NUBPL: variants seen among roughly 807,000 people sequenced by gnomAD.
The protein encoded by NUBPL is iron-sulfur cluster transfer protein NUBPL.
Under a neutral mutation model 45.7 loss-of-function variants are expected in NUBPL, and 31 were observed. That is an observed-to-expected ratio of 0.68 (90% CI 0.51 to 0.92). The LOEUF (loss-of-function observed/expected upper bound fraction) is 0.92. Ranked by LOEUF, NUBPL falls within the 40% of genes least tolerant of loss-of-function variation. NUBPL has a pLI of 0.00. For missense variants in NUBPL, 401 were observed against 398.7 expected (o/e 1.01, Z -0.05); for synonymous variants, 144 against 140.9 (o/e 1.02, Z -0.15).
At chr14:31,824,380 C>T (rs2040064924) in intron 7 of NUBPL, among the ~76,000 whole-genome samples, 3 of 152,104 alleles carry the variant, frequency 2.0e-5, no homozygotes, top group African/African-American at 4.8e-5. Context: ...AATCTTCCCG[C>T]ACCCCATACT....
intron 6 of NUBPL, chr14:31,771,754 C>G (rs1240939039): frequency 3.0e-6 from 1 of 338,206 alleles, no homozygotes; most frequent in Non-Finnish European, 4.2e-6. Context: ...AATAGGCTCT[C>G]AATAACTATT....
chr14:31,856,132 G>C (rs779896107), intron 10 of NUBPL, among the ~76,000 whole-genome samples: 12 of 152,178 alleles, frequency 7.9e-5, no homozygotes, highest in South Asian at 4.1e-4. Flanking sequence ...ACAGTTCCAT[G>C]TGGCTAGGGA....
At position 31,626,995 on chromosome 14, in the gene NUBPL, G is replaced by A. The variant is rs191470715; in HGVS notation, c.382+27616G>A. The stretch of plus-strand genomic sequence containing the variant: ...AAATATACAGATTTCCAGGCTTACC[G>A]TAGACCCATGGAATAAAAAAAGGTC... On this transcript the variant is annotated intron_variant, in intron 4 of 10. Transcript: ENST00000281081. Among the ~76,000 whole-genome samples the A allele has an allele frequency of 7.2e-4, 109 of 152,200 alleles. 1 individual carries two copies. In the Middle Eastern group the frequency reaches 0.02, roughly 28 times the overall value.
At chr14:31,731,924 C>T (rs1011622168) in intron 6 of NUBPL, among the ~76,000 whole-genome samples, 15 of 151,882 alleles carry the variant, frequency 9.9e-5, no homozygotes, top group African/African-American at 3.1e-4. Context: ...AACTGGAGGC[C>T]GGACGCGGTG....
chr14:31,626,230 T>C (rs2035202881), intron 4 of NUBPL, among the ~76,000 whole-genome samples: 1 of 152,160 alleles, frequency 6.6e-6, no homozygotes, highest in South Asian at 2.1e-4. Context: ...TGATCTCTGC[T>C]CACTGCAAAC....
chr14:31,819,255 A>G (rs1156404776), intron 7 of NUBPL, among the ~76,000 whole-genome samples: 1 of 152,200 alleles, frequency 6.6e-6, no homozygotes. Flanking sequence ...TTGAATGATT[A>G]TTTTCTTTTG....
chr14:31,611,057 A>G (rs1352130752), intron 4 of NUBPL, among the ~76,000 whole-genome samples: 2 of 152,224 alleles, frequency 1.3e-5, no homozygotes, highest in Non-Finnish European at 2.9e-5. Context: ...GTTATTCAAC[A>G]TAGTACTGGA....
chr14:31,814,425 T>C (rs923905306), intron 7 of NUBPL, among the ~76,000 whole-genome samples: 4 of 152,216 alleles, frequency 2.6e-5, no homozygotes, highest in Non-Finnish European at 4.4e-5. Flanking sequence ...TTGTACATTC[T>C]GGATATTAAC....
intron 6 of NUBPL, among the ~76,000 whole-genome samples, chr14:31,774,350 T>C (rs1425824807): frequency 1.3e-5 from 2 of 152,246 alleles, no homozygotes; most frequent in African/African-American, 4.8e-5. Flanking sequence ...CTGCTTGTGG[T>C]AAACTGCTTG....
At chr14:31,788,735 C>T (rs1442972475) in intron 7 of NUBPL, among the ~76,000 whole-genome samples, 1 of 152,148 alleles carries the variant, frequency 6.6e-6, no homozygotes, top group African/African-American at 2.4e-5. Context: ...ATGTTCCTTT[C>T]TGCATAGGTA....
At chr14:31,772,412 A>C (rs1429875516) in intron 6 of NUBPL, among the ~76,000 whole-genome samples, 1 of 152,172 alleles carries the variant, frequency 6.6e-6, no homozygotes, top group Non-Finnish European at 1.5e-5. Flanking sequence ...GAACATCTGT[A>C]TATATAAGCA....
In NUBPL at chr14:31,791,074, T is replaced by G. The variant is rs146311232; in HGVS notation, c.607+3201T>G. Among the ~76,000 whole-genome samples, 988 of 150,924 alleles carry G rather than the reference T, an allele frequency of 6.5e-3. 11 individuals are homozygous for G. Among genetic ancestry groups the G allele is most frequent in the African/African-American group, 0.023 (925 of 41,104 alleles). ...ACTTGAGCCCAGGAGTTCAAGACCA[T>G]CCTGGGCAATATAGTGAGACCCTAT... On this transcript the variant is annotated intron_variant, in intron 7 of 10. Transcript: ENST00000281081.
intron 4 of NUBPL, among the ~76,000 whole-genome samples, chr14:31,642,878 G>A (rs2035744471): frequency 6.6e-6 from 1 of 152,012 alleles, no homozygotes; most frequent in Admixed American, 6.6e-5. Flanking sequence ...TACTTCTTTG[G>A]TGAAATTGAT....
intron 6 of NUBPL, among the ~76,000 whole-genome samples, chr14:31,699,589 T>A (rs1193386440): frequency 6.6e-6 from 1 of 151,974 alleles, no homozygotes; most frequent in Non-Finnish European, 1.5e-5. Context: ...AAATTTTAAA[T>A]TTTTGCTTGA....
chr14:31,760,414 A>G (rs2038781564), intron 6 of NUBPL, among the ~76,000 whole-genome samples: 1 of 151,838 alleles, frequency 6.6e-6, no homozygotes. Flanking sequence ...CAGCCTCCCA[A>G]AGTGTTTGGA....
chr14:31,850,739 C>T (rs567532086), intron 10 of NUBPL, among the ~76,000 whole-genome samples: 1 of 152,182 alleles, frequency 6.6e-6, no homozygotes, highest in African/African-American at 2.4e-5. Flanking sequence ...TCGCATCTCA[C>T]CCTCCCCTCC....
chr14:31,728,305 T>C (rs1394972542), intron 6 of NUBPL, among the ~76,000 whole-genome samples: 1 of 151,938 alleles, frequency 6.6e-6, no homozygotes, highest in Admixed American at 6.6e-5. Context: ...GTATTATAAA[T>C]TTATTTATTA....
intron 10 of NUBPL, among the ~76,000 whole-genome samples, chr14:31,852,046 T>G (rs1282277945): frequency 2.0e-5 from 3 of 152,198 alleles, no homozygotes; most frequent in Admixed American, 6.5e-5. Context: ...GATCTCTGCA[T>G]GGCAGGAAGA....
chr14:31,859,169 C>G lies in NUBPL; in HGVS notation c.949C>G (p.Pro317Ala). The change falls in exon 11 of 11, where the codon CCT becomes GCT. Residue 317 changes from proline to alanine, a missense_variant. Transcript: ENST00000281081. ...GGAAGTGGTAAGAAGATTGCCATCA[C>G]CTTCAGAATGATTCCCCAAGTGTCC... is the stretch of plus-strand genomic sequence containing the variant. ...AVEVVRRLPS[P>A]SE 1 of 1,613,764 alleles carries G rather than the reference C, an allele frequency of 6.2e-7. No homozygotes were observed. The highest frequency in any genetic ancestry group is 8.5e-7 in the Non-Finnish European group (1 of 1,179,772).
Sources: allele counts gnomAD v4.1 joint callset (sites outside exome capture counted in the v4.1 genomes callset), GRCh38; gene constraint gnomAD v4.1.1; transcripts MANE v1.5; gene names NCBI Gene and HGNC (gene_info 2026-07-23, HGNC 2026-07-21).